The following PFKP variants were observed in gnomAD, a reference collection of about 807,000 sequenced individuals.
PFKP encodes ATP-dependent 6-phosphofructokinase, platelet type.
PFKP carries 101 observed loss-of-function variants against 94.3 expected under a neutral mutation model. That is an observed-to-expected ratio of 1.07 (90% CI 0.91 to 1.26). The LOEUF (loss-of-function observed/expected upper bound fraction) is 1.26, where lower values mean the gene tolerates loss of function less well. PFKP is among the 50% of genes most tolerant of loss of function. The probability of loss-of-function intolerance (pLI) is 0.00; values close to 1 mark genes in which losing one functional copy is unlikely to be tolerated. For synonymous variants in PFKP, 573 were observed against 432.6 expected, an observed-to-expected ratio of 1.32 and a Z score of -4.03; for missense variants, 1,145 against 1,103.3, an observed-to-expected ratio of 1.04 and a Z score of -0.53.
At chr10:3,078,953 T>TAAA (rs1165341410) in intron 1 of PFKP, among the ~76,000 whole-genome samples, 1 of 152,218 alleles carries the variant, frequency 6.6e-6, no homozygotes, top group Non-Finnish European at 1.5e-5. Context: ...TGTGTCTCTT[T>TAAA]AAAAGTGTGG....
At chr10:3,080,343 C>G (rs1832953949) in intron 1 of PFKP, among the ~76,000 whole-genome samples, 1 of 152,010 alleles carries the variant, frequency 6.6e-6, no homozygotes, top group Non-Finnish European at 1.5e-5. Context: ...CGGTGAAACC[C>G]CGTCTCTACT....
At chr10:3,115,561 C>T (rs576649244) in intron 13 of PFKP, among the ~76,000 whole-genome samples, 1 of 147,944 alleles carries the variant, frequency 6.8e-6, no homozygotes, top group African/African-American at 2.7e-5. Context: ...GTGTGTGTCC[C>T]TCAGCTGAGG....
chr10:3,103,756 C>T lies in PFKP; in HGVS notation c.455-23C>T, dbSNP rs372263993. ...ACGCGCCATGGTTACGGCGATGAGA[C>T]GTGCTGTTTGCTCCCCGCGCAGGCC... On this transcript the variant is annotated intron_variant, in intron 4 of 21. Transcript: ENST00000381125. 172 of 1,613,038 alleles carry T rather than the reference C, an allele frequency of 1.1e-4. 3 individuals carry two copies. In the East Asian group the frequency reaches 1.3e-3, roughly 12 times the overall value.
chr10:3,102,047 C>G (rs993722757), intron 4 of PFKP, among the ~76,000 whole-genome samples: 1 of 150,320 alleles, frequency 6.7e-6, no homozygotes, highest in African/African-American at 2.4e-5. Context: ...GTCAGGAGAT[C>G]GAGACCATCC....
chr10:3,078,470 C>T (rs1417634233), intron 1 of PFKP, among the ~76,000 whole-genome samples: 2 of 152,166 alleles, frequency 1.3e-5, no homozygotes, highest in African/African-American at 4.8e-5. Flanking sequence ...TTCAGAAGTT[C>T]AGAGGGAGGG....
At chr10:3,079,659 GGGT>G (rs1322443816) in intron 1 of PFKP, among the ~76,000 whole-genome samples, 2 of 63,538 alleles carry the variant, frequency 3.1e-5, no homozygotes, top group East Asian at 4.8e-4. Context: ...TCAGAGAGCG[GGGT>G]GGGGGGGGGG....
chr10:3,125,370 TTA>T (rs1375978785), intron 16 of PFKP: 43 of 751,758 alleles, frequency 5.7e-5, no homozygotes, highest in Admixed American at 1.5e-4. Context: ...TAGCTTGGCT[TTA>T]TGTCACACTG....
In PFKP at chr10:3,105,127, C is replaced by T; in HGVS notation, c.633C>T (p.Thr211=). ...GTTTCTCTTCCAGCCACCAGAGGAC[C>T]TTCGTTCTGGAGGTGATGGGACGAC... ...IMTTAQSHQR[T]FVLEVMGRHC... Residue 211 remains threonine (T), a synonymous_variant, in exon 6 of 22, where the codon ACC becomes ACT. Coordinates refer to ENST00000381125, the MANE Select transcript of PFKP (RefSeq NM_002627.5). The T allele has an allele frequency of 6.2e-7, 1 of 1,613,916 alleles. No homozygotes were observed. Among genetic ancestry groups the T allele is most frequent in the Non-Finnish European group, 8.5e-7 (1 of 1,179,934 alleles).
chr10:3,074,804 T>C (rs936374020), intron 1 of PFKP, among the ~76,000 whole-genome samples: 4 of 152,214 alleles, frequency 2.6e-5, no homozygotes, highest in Admixed American at 2.0e-4. Flanking sequence ...AATTCCATTA[T>C]GGCACCTGGA....
In PFKP at chr10:3,134,545, G is replaced by A. The variant is rs899143454; in HGVS notation, c.2085G>A (p.Glu695=). Residue 695 remains glutamate, a synonymous_variant, in exon 20 of 22, where the codon GAG becomes GAA. Coordinates refer to ENST00000381125, the MANE Select transcript of PFKP (RefSeq NM_002627.5). ...CCAAAATCTCTGCCAGAGCTATGGA[G>A]TGGATCACTGCAAAACTCAAGGAGG... ...FGTKISARAM[E]WITAKLKEAR... is the part of the protein sequence containing the mutation. The A allele has an allele frequency of 3.1e-6, 5 of 1,613,940 alleles. No individual in the cohort carries two copies. The highest frequency in any genetic ancestry group is 4.2e-6 in the Non-Finnish European group (5 of 1,179,938).
intron 17 of PFKP, among the ~76,000 whole-genome samples, chr10:3,131,588 G>C (rs904882723): frequency 1.3e-5 from 2 of 152,044 alleles, no homozygotes; most frequent in African/African-American, 4.8e-5. Flanking sequence ...TCCCAAGTAG[G>C]TGGGACTACA....
chr10:3,067,783 T>A, intron 1 of PFKP, 76 bp downstream of exon 1: 3 of 467,472 alleles, frequency 6.4e-6, no homozygotes, highest in South Asian at 7.8e-5. Flanking sequence ...GGCGATGGGG[T>A]GACCGGAGAG....
At chr10:3,134,424 A>G (rs568678303) in intron 19 of PFKP, 59 bp from the exon 20 acceptor site, 38 of 726,094 alleles carry the variant, frequency 5.2e-5, no homozygotes, top group East Asian at 3.0e-4. Flanking sequence ...TGTCATTTCT[A>G]TTTAACAGCA....
rs529462967 is a variant in PFKP, at chr10:3,076,549, AC to A, written c.113-5833del. Among the ~76,000 whole-genome samples the A allele has an allele frequency of 2.0e-5, 3 of 147,294 alleles. No individual in the cohort carries two copies. The East Asian group carries it at 6.0e-4, about 30-fold the overall frequency. ...CCTCCCTGTCCTCCACACCCTCAACACCCCCCACCCCGCTTGTTATTTTTCT... is the reference window on the plus strand; with the variant it reads ...CCTCCCTGTCCTCCACACCCTCAACACCCCCACCCCGCTTGTTATTTTTCT... On this transcript the variant is annotated intron_variant, in intron 1 of 21. Coordinates refer to ENST00000381125, the MANE Select transcript of PFKP (RefSeq NM_002627.5).
chr10:3,129,980 G>GGGCTGTGACATCAGACAT lies in PFKP; in HGVS notation c.1845_1846insGGCTGTGACATCAGACAT (p.Leu615_Gln616insGlyCysAspIleArgHis), dbSNP rs776413205. The GGGCTGTGACATCAGACAT allele has an allele frequency of 6.4e-7, 1 of 1,573,948 alleles. No individual in the cohort carries two copies. The highest frequency in any genetic ancestry group is 1.3e-5 in the African/African-American group (1 of 74,386). On this transcript the variant is annotated inframe_insertion, in exon 17 of 22. Coordinates refer to ENST00000381125, the MANE Select transcript of PFKP (RefSeq NM_002627.5). Reference sequence around the variant, plus strand: ...AAGAGCCCTTCGACATCAGGGATCTGCAGGTATGTGACGGGGCTGGCCTCA... The same window carrying GGGCTGTGACATCAGACAT: ...AAGAGCCCTTCGACATCAGGGATCTGGGCTGTGACATCAGACATCAGGTATGTGACGGGGCTGGCCTCA...
Position 3,102,211 on chromosome 10 carries a change from A to G in PFKP, c.454+657A>G, listed in dbSNP as rs1236954730. Among the ~76,000 whole-genome samples the G allele has an allele frequency of 2.4e-4, 30 of 125,210 alleles. 1 individual carries two copies. The highest frequency in any genetic ancestry group is 8.7e-4 in the African/African-American group (29 of 33,210). 82.1% of individuals were successfully genotyped at this position (125,210 alleles called of 152,430 possible). ...GCTTGCAGTGAGCCGAGGTCCCGCC[A>G]CTGCACTCCAGCCTGGGCGACAGAG... On this transcript the variant is annotated intron_variant, in intron 4 of 21. Transcript: ENST00000381125.
chr10:3,089,744 A>G (rs1470261889), intron 2 of PFKP, among the ~76,000 whole-genome samples: 1 of 150,832 alleles, frequency 6.6e-6, no homozygotes, highest in Non-Finnish European at 1.5e-5. Flanking sequence ...ACATTATTAT[A>G]TATTATTAAA....
At chr10:3,110,898 T>G (rs962310969) in intron 10 of PFKP, among the ~76,000 whole-genome samples, 4 of 150,918 alleles carry the variant, frequency 2.7e-5, no homozygotes, top group African/African-American at 9.8e-5. Flanking sequence ...GTGTGCATGT[T>G]TGTGTGCATG....
At chr10:3,075,446 G>A (rs1832506400) in intron 1 of PFKP, among the ~76,000 whole-genome samples, 2 of 151,586 alleles carry the variant, frequency 1.3e-5, no homozygotes, top group East Asian at 1.9e-4. Context: ...CTTCCCTCTG[G>A]AGCCAGTGGG....
Sources: allele counts gnomAD v4.1 joint callset (sites outside exome capture counted in the v4.1 genomes callset), GRCh38; gene constraint gnomAD v4.1.1; transcripts MANE v1.5; gene names NCBI Gene and HGNC (gene_info 2026-07-23, HGNC 2026-07-21).